The following FBXO17 variants were observed in gnomAD, a reference collection of about 807,000 sequenced individuals.
The protein encoded by FBXO17 is F-box protein 17.
In FBXO17, 43 loss-of-function variants were observed where a neutral mutation model predicts 34.1. The observed-to-expected ratio is 1.26, with a 90% CI of 0.99 to 1.62. The LOEUF (loss-of-function observed/expected upper bound fraction) is 1.62. Among genes scored for constraint, FBXO17 ranks in the 40% most tolerant of loss-of-function variants. FBXO17 has a pLI of 0.00. For synonymous variants in FBXO17, 169 were observed against 166.0 expected (o/e 1.02, Z -0.14); for missense variants, 424 against 386.7 (o/e 1.10, Z -0.81).
Position 38,949,960 on chromosome 19 carries a change from C to G in FBXO17, c.349+11G>C. 6.6e-7 allele frequency: 1 copy of G among 1,526,420 alleles called. No homozygotes were observed. Among genetic ancestry groups the G allele is most frequent in the Non-Finnish European group, 8.8e-7 (1 of 1,138,966 alleles). 94.6% of individuals were successfully genotyped at this position (1,526,420 alleles called of 1,614,324 possible). A position where few individuals can be genotyped will look rare whatever the true frequency, so the allele number is the denominator to read the frequency against. ...CCCCTCAGCCTCCTGGGCCCCGCCC[C>G]CGTCACCCACGCTCTCCGCAGGAGT... On this transcript the variant is annotated intron_variant, in intron 2 of 5. Coordinates refer to ENST00000292852, the MANE Select transcript of FBXO17 (RefSeq NM_024907.7).
chr19:38,944,764 T>C (rs1380039124), intron 5 of FBXO17: 7 of 687,030 alleles, frequency 1.0e-5, no homozygotes, highest in South Asian at 6.0e-5. Flanking sequence ...TCAGTGTTTG[T>C]TGAACATTAA....
In FBXO17 at chr19:38,950,292, G is replaced by T. The variant is rs770989446; in HGVS notation, c.28C>A (p.Leu10Met). Residue 10 changes from leucine to methionine, a missense_variant, in exon 2 of 6, where the codon CTG becomes ATG. Coordinates refer to ENST00000292852, the MANE Select transcript of FBXO17 (RefSeq NM_024907.7). The part of the protein sequence containing the change: MGARLSRRR[L>M]PADPSLALDA... ...AGGGCCAGGGATGGGTCCGCCGGCAGCCGTCGCCGCGATAGCCGGGCGCCC... is the reference window on the plus strand; with the variant it reads ...AGGGCCAGGGATGGGTCCGCCGGCATCCGTCGCCGCGATAGCCGGGCGCCC... 4.7e-5 allele frequency: 68 copies of T among 1,437,640 alleles called. No individual in the cohort carries two copies. Among genetic ancestry groups the T allele is most frequent in the Non-Finnish European group, 1.8e-5 (20 of 1,105,132 alleles). The allele number at this position is 1,437,640 out of a possible 1,614,324, so 89.1% of individuals were successfully genotyped here.
At chr19:38,950,613 GT>G (rs1367074271) in intron 1 of FBXO17, among the ~76,000 whole-genome samples, 1 of 152,252 alleles carries the variant, frequency 6.6e-6, no homozygotes, top group African/African-American at 2.4e-5. Context: ...TATATGACCA[GT>G]GAAATGGCAA....
In FBXO17 at chr19:38,950,079, A is replaced by G; in HGVS notation, c.241T>C (p.Cys81Arg). 3 of 1,567,932 alleles carry G rather than the reference A, an allele frequency of 1.9e-6. No homozygotes were observed. Among genetic ancestry groups the G allele is most frequent in the Non-Finnish European group, 2.6e-6 (3 of 1,158,168 alleles). ...GRALYAVAQR[C>R]LPSNEDKEEF... ...TCCTTGTCTTCGTTGCTGGGCAGGC[A>G]GCGTTGAGCCACTGCGTAGAGTGCG... The change falls in exon 2 of 6, where the codon TGC becomes CGC. Residue 81 changes from cysteine to arginine, a missense_variant. Cys to Arg is a radical substitution (Grantham distance 180, BLOSUM62 -3). Coordinates refer to ENST00000292852, the MANE Select transcript of FBXO17 (RefSeq NM_024907.7).
At chr19:38,973,344 C>T (rs34362648) in intron 1 of FBXO17, among the ~76,000 whole-genome samples, 48,791 of 151,962 alleles carry the variant, frequency 0.32, 8,361 homozygotes, top group South Asian at 0.49. Flanking sequence ...CACTGCACTC[C>T]AGCCTGGGCG....
At chr19:38,959,883 G>A (rs1360878919) in intron 1 of FBXO17, among the ~76,000 whole-genome samples, 1 of 151,954 alleles carries the variant, frequency 6.6e-6, no homozygotes, top group Non-Finnish European at 1.5e-5. Context: ...GTGACAGAGT[G>A]AGACTCTGTC....
chr19:38,959,278 T>C (rs919211574), intron 1 of FBXO17, among the ~76,000 whole-genome samples: 2 of 56,784 alleles, frequency 3.5e-5, no homozygotes, highest in Admixed American at 4.3e-4. Flanking sequence ...TTTCTTTCTT[T>C]CTTTCTTTTT....
At chr19:38,948,868 G>A (rs1223119962) in intron 2 of FBXO17, among the ~76,000 whole-genome samples, 190 bp from the exon 3 acceptor site, 2 of 152,106 alleles carry the variant, frequency 1.3e-5, no homozygotes, top group Non-Finnish European at 2.9e-5. Flanking sequence ...GACTCTCAGC[G>A]GTGCCCATCC....
chr19:38,965,834 G>T (rs1317820609), intron 1 of FBXO17, among the ~76,000 whole-genome samples: 1 of 151,996 alleles, frequency 6.6e-6, no homozygotes, highest in Non-Finnish European at 1.5e-5. Flanking sequence ...TAGAGACGGG[G>T]TTTCACCATG....
At chr19:38,955,395 CTT>C (rs1975152729) in intron 1 of FBXO17, among the ~76,000 whole-genome samples, 1 of 151,788 alleles carries the variant, frequency 6.6e-6, no homozygotes, top group African/African-American at 2.4e-5. Flanking sequence ...CATGCAGCGT[CTT>C]TGTTTCTCTT....
At chr19:38,957,695 G>A (rs146710290) in intron 1 of FBXO17, among the ~76,000 whole-genome samples, 203 of 152,226 alleles carry the variant, frequency 1.3e-3, no homozygotes, top group Non-Finnish European at 2.1e-3. Context: ...AGGATCTCTG[G>A]GGCTAGGGGT....
At chr19:38,949,781 T>A in intron 2 of FBXO17, 190 bp downstream of exon 2, 1 of 700,658 alleles carries the variant, frequency 1.4e-6, no homozygotes, top group Non-Finnish European at 2.3e-6. Context: ...CTCGTTCGGA[T>A]TCCCGGCTTC....
At chr19:38,945,586 C>T (rs1372371952) in intron 4 of FBXO17, 1 of 53,298 alleles carries the variant, frequency 1.9e-5, no homozygotes, top group African/African-American at 1.1e-4. Flanking sequence ...CTGGGTGGTC[C>T]TGGGGTGGAG....
At chr19:38,961,212 C>G (rs1465054801) in intron 1 of FBXO17, among the ~76,000 whole-genome samples, 1 of 151,254 alleles carries the variant, frequency 6.6e-6, no homozygotes, top group Middle Eastern at 3.2e-3. Flanking sequence ...ATTATTTTTA[C>G]TTTATTAGTT....
At chr19:38,953,552 T>G (rs1329795608) in intron 1 of FBXO17, among the ~76,000 whole-genome samples, 1 of 151,854 alleles carries the variant, frequency 6.6e-6, no homozygotes, top group East Asian at 1.9e-4. Flanking sequence ...TCCCAGCTAC[T>G]CGGGAGGCCA....
At chr19:38,957,124 A>C (rs1169361150) in intron 1 of FBXO17, among the ~76,000 whole-genome samples, 1 of 151,988 alleles carries the variant, frequency 6.6e-6, no homozygotes, top group Non-Finnish European at 1.5e-5. Context: ...TAGTTCACTG[A>C]GGCCCGGCGC....
rs199947748 is a variant in FBXO17 at position 38,942,714 on chromosome 19, C to T, written c.731G>A (p.Arg244His). 197 of 1,605,808 alleles carry T rather than the reference C, an allele frequency of 1.2e-4. 3 individuals carry two copies. Among genetic ancestry groups the T allele is most frequent in the East Asian group, 7.0e-4 (31 of 43,982 alleles). ...HVFTNFGKGI[R>H]YVSFEQYGRD... is the part of the protein sequence containing the mutation. Reference sequence around the variant, plus strand: ...CCCGTACTGCTCAAAAGATACGTAGCGGATGCCCTTGCCAAAGTTGGTGAA... The same window carrying T: ...CCCGTACTGCTCAAAAGATACGTAGTGGATGCCCTTGCCAAAGTTGGTGAA... Residue 244 changes from arginine (R) to histidine (H), a missense_variant, in exon 6 of 6, where the codon CGC (arginine) becomes CAC (histidine). Physicochemically the swap from Arg to His is conservative, Grantham distance 29 (BLOSUM62 0). Transcript: ENST00000292852.
chr19:38,957,461 T>G (rs926700625), intron 1 of FBXO17, among the ~76,000 whole-genome samples: 1 of 152,140 alleles, frequency 6.6e-6, no homozygotes, highest in East Asian at 1.9e-4. Context: ...ATTCTCTGCC[T>G]CAGCCTCCCG....
chr19:38,957,502 C>T (rs1229838681), intron 1 of FBXO17, among the ~76,000 whole-genome samples: 4 of 152,154 alleles, frequency 2.6e-5, no homozygotes, highest in Non-Finnish European at 4.4e-5. Flanking sequence ...CCTGCCACCA[C>T]GCCTGGCTAA....
Sources: gnomAD v4.1 joint callset for allele counts (sites outside exome capture counted in the v4.1 genomes callset) on GRCh38, gnomAD v4.1.1 for gene constraint, MANE v1.5 for transcripts, NCBI Gene and HGNC (gene_info 2026-07-23, HGNC 2026-07-21) for gene names.